The following TTLL11 variants were observed in gnomAD, a reference collection of about 807,000 sequenced individuals.
TTLL11 encodes the protein tubulin tyrosine ligase like 11.
Under a neutral mutation model 51.7 loss-of-function variants are expected in TTLL11, and 42 were observed. That is an observed-to-expected ratio of 0.81 (90% CI 0.64 to 1.05). TTLL11 has a LOEUF of 1.05. TTLL11 is among the 50% of genes least tolerant of loss of function. TTLL11 has a pLI of 0.00. For synonymous variants in TTLL11, 381 were observed against 383.5 expected, an observed-to-expected ratio of 0.99 and a Z score of 0.08; for missense variants, 799 against 940.4, an observed-to-expected ratio of 0.85 and a Z score of 1.97.
chr9:121,832,494 C>T (rs1255192677), intron 8 of TTLL11, among the ~76,000 whole-genome samples: 7 of 152,162 alleles, frequency 4.6e-5, no homozygotes, highest in East Asian at 3.8e-4. Flanking sequence ...GGTGCCTTCA[C>T]ATTATTTAAT....
rs1347558610 is a variant in TTLL11 at position 121,853,291 on chromosome 9, C to T, written c.1840+7046G>A. 3.3e-5 allele frequency among the ~76,000 whole-genome samples: 5 copies of T among 152,070 alleles called. No homozygotes were observed. The highest frequency in any genetic ancestry group is 7.4e-5 in the Non-Finnish European group (5 of 68,004). ...TGTTTCCTGGATGTTGGCCTCATGT[C>T]GGGGGCAGATGTCCAGGCCCTTTCA... On this transcript the variant is annotated intron_variant, in intron 8 of 8. Coordinates refer to ENST00000321582, the MANE Select transcript of TTLL11 (RefSeq NM_001139442.2). This position sits in a 1 kb window ranked among gnomAD's most constrained non-coding sequence, Gnocchi z 5.6.
chr9:121,869,044 C>T (rs1466942414), intron 7 of TTLL11, among the ~76,000 whole-genome samples: 5 of 152,368 alleles, frequency 3.3e-5, no homozygotes, highest in Admixed American at 2.0e-4. Flanking sequence ...CAAAGCCACA[C>T]AGCTATGAAG....
At chr9:122,082,501 C>CAAAAAAAAAA (rs35349693) in intron 1 of TTLL11, among the ~76,000 whole-genome samples, 2 of 84,666 alleles carry the variant, frequency 2.4e-5, no homozygotes, top group Admixed American at 1.4e-4. Context: ...GACTCTGTCT[C>CAAAAAAAAAA]AAAAAAAAAA....
At chr9:121,987,458 C>A (rs959262702) in intron 4 of TTLL11, among the ~76,000 whole-genome samples, 3 of 152,162 alleles carry the variant, frequency 2.0e-5, no homozygotes, top group Non-Finnish European at 4.4e-5. Context: ...CCCCACCCTG[C>A]ACTGTCACAG....
chr9:122,052,297 C>A (rs1380401891), intron 1 of TTLL11, among the ~76,000 whole-genome samples: 1 of 152,194 alleles, frequency 6.6e-6, no homozygotes, highest in East Asian at 1.9e-4. Context: ...CAGGCTCACT[C>A]TTGCCTATGG....
intron 6 of TTLL11, among the ~76,000 whole-genome samples, chr9:121,949,255 C>T (rs1841776809): frequency 6.6e-6 from 1 of 152,208 alleles, no homozygotes; most frequent in Non-Finnish European, 1.5e-5. Flanking sequence ...CTATTATGTA[C>T]CAGGCTTGGG....
intron 6 of TTLL11, among the ~76,000 whole-genome samples, chr9:121,935,184 C>T (rs1841153959): frequency 6.6e-6 from 1 of 151,852 alleles, no homozygotes; most frequent in Non-Finnish European, 1.5e-5. Context: ...GTCTTGAACT[C>T]CTGACCTCTT....
chr9:121,989,450 G>A lies in TTLL11; in HGVS notation c.1014C>T (p.Ile338=). 3 of 1,614,202 alleles carry A rather than the reference G, an allele frequency of 1.9e-6. No homozygotes were observed. Among genetic ancestry groups the A allele is most frequent in the Non-Finnish European group, 2.5e-6 (3 of 1,180,040 alleles). ...QEPTPKNLHR[I]FMHLTNYSLN... is the part of the protein sequence containing the mutation. Reference sequence around the variant, plus strand: ...GTGAATAGTTGGTTAAGTGCATAAAGATGCGGTGCAGGTTTTTGGGGGTGG... The same window carrying A: ...GTGAATAGTTGGTTAAGTGCATAAAAATGCGGTGCAGGTTTTTGGGGGTGG... The change falls in exon 4 of 9, where the codon ATC becomes ATT. Residue 338 remains isoleucine (I), a synonymous_variant. Transcript: ENST00000321582. This position sits in a 1 kb window ranked among gnomAD's most constrained non-coding sequence, Gnocchi z 4.2.
chr9:121,998,783 A>G (rs1294997883), intron 3 of TTLL11, among the ~76,000 whole-genome samples: 1 of 152,070 alleles, frequency 6.6e-6, no homozygotes, highest in African/African-American at 2.4e-5. Flanking sequence ...ATCCTACAAG[A>G]CAGGCAATAG....
chr9:121,934,470 A>C (rs961823678), intron 6 of TTLL11, among the ~76,000 whole-genome samples: 5 of 152,226 alleles, frequency 3.3e-5, no homozygotes, highest in Non-Finnish European at 7.3e-5. Flanking sequence ...TGTCAAGCTC[A>C]TGGCGGCAGA....
intron 6 of TTLL11, among the ~76,000 whole-genome samples, chr9:121,923,053 C>T (rs1356052647): frequency 6.6e-6 from 1 of 152,178 alleles, no homozygotes; most frequent in Non-Finnish European, 1.5e-5. Context: ...GTGGCAAAGG[C>T]AACAATTATA....
At chr9:121,965,159 T>TGGGGTCAATGTGTGCTGGTCTGC (rs1842363967) in intron 6 of TTLL11, among the ~76,000 whole-genome samples, 1 of 152,198 alleles carries the variant, frequency 6.6e-6, no homozygotes, top group Non-Finnish European at 1.5e-5. Flanking sequence ...CAAAGGTGCT[T>TGGGGTCAATGTGTGCTGGTCTGC]GGGGTCAATG....
intron 6 of TTLL11, among the ~76,000 whole-genome samples, chr9:121,934,724 C>G (rs1483973621): frequency 2.6e-5 from 4 of 152,194 alleles, no homozygotes; most frequent in Non-Finnish European, 4.4e-5. Context: ...TACAGCCTTA[C>G]TGCGCTTCGG....
chr9:121,975,230 T>C (rs1171907927), intron 4 of TTLL11, among the ~76,000 whole-genome samples: 1 of 152,178 alleles, frequency 6.6e-6, no homozygotes, highest in African/African-American at 2.4e-5. Context: ...GAAGGGCTGT[T>C]GATGACCTCT....
At position 121,860,548 on chromosome 9, in the gene TTLL11, T is replaced by C. The variant is rs1043577894; in HGVS notation, c.1734-105A>G. 1.6e-5 allele frequency: 14 copies of C among 886,962 alleles called. No individual in the cohort carries two copies. In the African/African-American group the frequency reaches 1.8e-4, roughly 11 times the overall value. The allele number at this position is 886,962 out of a possible 1,614,324, so 54.9% of individuals were successfully genotyped here. ...TGAATGTTTGTCCTCCCCAAATCCA[T>C]AGGTTGAAATCCTATCCCTCCAATG... On this transcript the variant is annotated intron_variant, in intron 7 of 8. Transcript: ENST00000321582.
At chr9:122,080,511 C>G (rs1021721955) in intron 1 of TTLL11, among the ~76,000 whole-genome samples, 3 of 150,894 alleles carry the variant, frequency 2.0e-5, no homozygotes, top group Non-Finnish European at 2.9e-5. Context: ...ATGGAAACCC[C>G]ATCTCTACAA....
At chr9:121,941,595 C>G (rs1841472163) in intron 6 of TTLL11, among the ~76,000 whole-genome samples, 1 of 152,212 alleles carries the variant, frequency 6.6e-6, no homozygotes, top group South Asian at 2.1e-4. Context: ...TCAGATCCCA[C>G]TGATTTCTCC....
intron 1 of TTLL11, among the ~76,000 whole-genome samples, chr9:122,081,072 T>C (rs890664046): frequency 2.0e-5 from 3 of 152,230 alleles, no homozygotes; most frequent in Non-Finnish European, 4.4e-5. Flanking sequence ...TTTTAAGCAA[T>C]GTACAAGGAT....
chr9:121,838,707 A>C (rs1022951763), intron 8 of TTLL11, among the ~76,000 whole-genome samples: 3 of 152,274 alleles, frequency 2.0e-5, no homozygotes, highest in South Asian at 4.1e-4. Flanking sequence ...TGACAGAGTA[A>C]GATTCTGTCA....
Sources: gnomAD v4.1 joint callset for allele counts (sites outside exome capture counted in the v4.1 genomes callset) on GRCh38, gnomAD v4.1.1 for gene constraint, Gnocchi (gnomAD v3.1) non-coding constraint, MANE v1.5 for transcripts, NCBI Gene and HGNC (gene_info 2026-07-23, HGNC 2026-07-21) for gene names.